Variants in ACTL8 observed in about 807,000 individuals in gnomAD.
The protein encoded by ACTL8 is actin like 8.
Under a neutral mutation model 9.3 loss-of-function variants are expected in ACTL8, and 3 were observed. The ratio of observed to expected loss-of-function variants is 0.32; its 90% CI spans 0.15 to 0.83. The LOEUF is 0.83. Ranked by LOEUF, ACTL8 falls within the 40% of genes least tolerant of loss-of-function variation. The pLI is 0.57. For missense variants in ACTL8, 381 were observed against 492.2 expected (o/e 0.77, Z 2.14); for synonymous variants, 224 against 205.9 (o/e 1.09, Z -0.75).
At chr1:17,761,201 C>T (rs550262478) in intron 1 of ACTL8, among the ~76,000 whole-genome samples, 1 of 149,478 alleles carries the variant, frequency 6.7e-6, no homozygotes, top group East Asian at 2.0e-4. Flanking sequence ...GTCTCAAACT[C>T]CTGGGCTCAA....
At chr1:17,759,786 C>T (rs2065989640) in intron 1 of ACTL8, among the ~76,000 whole-genome samples, 1 of 152,166 alleles carries the variant, frequency 6.6e-6, no homozygotes, top group Non-Finnish European at 1.5e-5. Context: ...TACTCTAGCT[C>T]AGCACTGGGT....
At chr1:17,762,760 G>A (rs1311698961) in intron 1 of ACTL8, among the ~76,000 whole-genome samples, 1 of 152,052 alleles carries the variant, frequency 6.6e-6, no homozygotes, top group East Asian at 1.9e-4. Context: ...TCTCCTTGGT[G>A]CCCCCCGCCC....
rs1198114158 is a variant in ACTL8, at chr1:17,826,685, T to G, written c.*166T>G. 29 of 657,220 alleles carry G rather than the reference T, an allele frequency of 4.4e-5. 1 individual carries two copies. In the South Asian group the frequency reaches 1.2e-3, roughly 27 times the overall value. The allele number at this position is 657,220 out of a possible 1,614,324, so 40.7% of individuals were successfully genotyped here. On this transcript the variant is annotated 3_prime_UTR_variant, in exon 3 of 3. Coordinates refer to ENST00000375406, the MANE Select transcript of ACTL8 (RefSeq NM_030812.3). The surrounding 1 kb of genome is among the most constrained non-coding windows in gnomAD (Gnocchi z 4.5). ...TTTAGGTTCTAAGGTTTTATCTTGT[T>G]GCAAGAGTGGGACCTACCCAAGGGG...
intron 1 of ACTL8, among the ~76,000 whole-genome samples, chr1:17,775,912 C>T (rs1043746185): frequency 2.6e-5 from 4 of 152,100 alleles, no homozygotes; most frequent in African/African-American, 7.2e-5. Flanking sequence ...AGAAGATTCC[C>T]GGGACAGTAT....
intron 1 of ACTL8, among the ~76,000 whole-genome samples, chr1:17,809,896 A>T (rs193004776): frequency 6.6e-6 from 1 of 152,290 alleles, no homozygotes; most frequent in Admixed American, 6.5e-5. Context: ...CCCCTACTCC[A>T]GGTCTGTGGA....
At chr1:17,822,220 TGTTA>T (rs1320378526) in intron 1 of ACTL8, among the ~76,000 whole-genome samples, 1 of 149,816 alleles carries the variant, frequency 6.7e-6, no homozygotes, top group South Asian at 2.1e-4. Context: ...GCTCTGTTTT[TGTTA>T]GTTGTATACC....
chr1:17,785,946 TG>T (rs1411058039), intron 1 of ACTL8, among the ~76,000 whole-genome samples: 1 of 152,142 alleles, frequency 6.6e-6, no homozygotes, highest in East Asian at 1.9e-4. Flanking sequence ...AGGCTGGAGT[TG>T]GGAGAGAAGT....
At position 17,823,417 on chromosome 1, in the gene ACTL8, G is replaced by A; in HGVS notation, c.348+61G>A. On this transcript the variant is annotated intron_variant, in intron 2 of 2. Coordinates refer to ENST00000375406, the MANE Select transcript of ACTL8 (RefSeq NM_030812.3). The surrounding 1 kb of genome is among the most constrained non-coding windows in gnomAD (Gnocchi z 5.3). ...GGGAAACAGACTGACACTATGTCTG[G>A]ACTGATTGGGCACCAGGAATTCTGC... The A allele has an allele frequency of 1.4e-6, 2 of 1,457,382 alleles. No individual in the cohort carries two copies. Among genetic ancestry groups the A allele is most frequent in the South Asian group, 2.6e-5 (2 of 77,340 alleles). 90.3% of individuals were successfully genotyped at this position (1,457,382 alleles called of 1,614,324 possible). A position where few individuals can be genotyped will look rare whatever the true frequency, so the allele number is the denominator to read the frequency against.
At chr1:17,791,031 G>A (rs548923152) in intron 1 of ACTL8, among the ~76,000 whole-genome samples, 70 of 152,176 alleles carry the variant, frequency 4.6e-4, no homozygotes, top group Non-Finnish European at 7.8e-4. Flanking sequence ...ATGAGGGTTG[G>A]GGGGAGGGGG....
At chr1:17,795,042 T>A (rs2066266942) in intron 1 of ACTL8, among the ~76,000 whole-genome samples, 1 of 152,224 alleles carries the variant, frequency 6.6e-6, no homozygotes, top group African/African-American at 2.4e-5. Flanking sequence ...CAATAGTTGA[T>A]TTCACTTTCA....
At chr1:17,819,265 G>A (rs980164815) in intron 1 of ACTL8, among the ~76,000 whole-genome samples, 5 of 152,306 alleles carry the variant, frequency 3.3e-5, no homozygotes, top group Non-Finnish European at 5.9e-5. Context: ...TCATGCAGCC[G>A]GCCAGTTCTC....
chr1:17,822,802 G>A (rs2053674551), intron 1 of ACTL8, among the ~76,000 whole-genome samples, 183 bp from the exon 2 acceptor site: 1 of 152,184 alleles, frequency 6.6e-6, no homozygotes, highest in Non-Finnish European at 1.5e-5. Context: ...AGCCTGGTAG[G>A]ATGGTTGGGA....
chr1:17,800,531 GT>G (rs1313037665), intron 1 of ACTL8, among the ~76,000 whole-genome samples: 1 of 143,828 alleles, frequency 7.0e-6, no homozygotes, highest in Non-Finnish European at 1.5e-5. Context: ...CCGGGACTTC[GT>G]TTGATGTTGA....
At chr1:17,773,636 AGAG>A (rs1191866431) in intron 1 of ACTL8, among the ~76,000 whole-genome samples, 1 of 152,158 alleles carries the variant, frequency 6.6e-6, no homozygotes, top group African/African-American at 2.4e-5. Context: ...AGCCTGATGA[AGAG>A]GAGGCGGGGC....
chr1:17,765,629 T>C (rs1288721948), intron 1 of ACTL8, among the ~76,000 whole-genome samples: 2 of 152,124 alleles, frequency 1.3e-5, no homozygotes, highest in Non-Finnish European at 2.9e-5. Context: ...CTGGCTCCAT[T>C]CCACACATGA....
At chr1:17,769,106 G>T (rs2066065617) in intron 1 of ACTL8, among the ~76,000 whole-genome samples, 1 of 152,134 alleles carries the variant, frequency 6.6e-6, no homozygotes, top group African/African-American at 2.4e-5. Context: ...TTCTTGCTAC[G>T]TCGCCCAGGC....
intron 1 of ACTL8, among the ~76,000 whole-genome samples, chr1:17,811,963 C>T (rs1241041847): frequency 6.6e-6 from 1 of 151,552 alleles, no homozygotes; most frequent in Admixed American, 6.6e-5. Context: ...TGCCTCCTGG[C>T]TTGGCCTCCC....
chr1:17,802,391 C>T (rs1384126057), intron 1 of ACTL8, among the ~76,000 whole-genome samples: 1 of 151,214 alleles, frequency 6.6e-6, no homozygotes, highest in African/African-American at 2.5e-5. Flanking sequence ...ATCGTGCTGG[C>T]ACTGAACAGC....
chr1:17,795,198 G>C (rs562807102), intron 1 of ACTL8, among the ~76,000 whole-genome samples: 1 of 152,182 alleles, frequency 6.6e-6, no homozygotes, highest in Admixed American at 6.5e-5. Context: ...AGTCACTGTC[G>C]TTTGCCCTCA....
Sources: gnomAD v4.1 joint callset for allele counts (sites outside exome capture counted in the v4.1 genomes callset) on GRCh38, gnomAD v4.1.1 for gene constraint, Gnocchi (gnomAD v3.1) non-coding constraint, MANE v1.5 for transcripts, NCBI Gene and HGNC (gene_info 2026-07-23, HGNC 2026-07-21) for gene names.